The following DOCK3 variants were observed in gnomAD, a reference collection of about 807,000 sequenced individuals.
The protein encoded by DOCK3 is dedicator of cytokinesis 3.
A neutral mutation model predicts 265.6 loss-of-function variants in DOCK3; 60 were observed. That is an observed-to-expected ratio of 0.23 (90% CI 0.18 to 0.28). The LOEUF is 0.28. Ranked by LOEUF, DOCK3 falls within the 10% of genes least tolerant of loss-of-function variation. DOCK3 has a pLI of 1.00. For missense variants in DOCK3, 1,981 were observed against 2,594.3 expected, an observed-to-expected ratio of 0.76 and a Z score of 5.14; for synonymous variants, 881 against 938.0, an observed-to-expected ratio of 0.94 and a Z score of 1.11.
intron 3 of DOCK3, among the ~76,000 whole-genome samples, chr3:50,884,123 C>A (rs890893043): frequency 6.7e-6 from 1 of 148,686 alleles, no homozygotes; most frequent in African/African-American, 2.5e-5. Context: ...GATATGGAGT[C>A]TCGCTCTTTC....
At chr3:51,025,744 T>G (rs1223860933) in intron 5 of DOCK3, among the ~76,000 whole-genome samples, 2 of 152,230 alleles carry the variant, frequency 1.3e-5, no homozygotes, top group Non-Finnish European at 2.9e-5. Flanking sequence ...CAGGAATCAC[T>G]TCCCTTGGTT....
chr3:51,189,541 A>G (rs1294950778), intron 12 of DOCK3, among the ~76,000 whole-genome samples: 5 of 152,178 alleles, frequency 3.3e-5, no homozygotes, highest in African/African-American at 1.2e-4. Flanking sequence ...GAGTTACTTC[A>G]CTTACAATAA....
intron 27 of DOCK3, among the ~76,000 whole-genome samples, chr3:51,286,624 T>C (rs2081420600): frequency 1.3e-5 from 2 of 152,026 alleles, no homozygotes; most frequent in Admixed American, 6.6e-5. Flanking sequence ...AATAGACACA[T>C]AGACCAAAGG....
chr3:50,820,906 G>C (rs1254453357), intron 2 of DOCK3, among the ~76,000 whole-genome samples: 1 of 147,694 alleles, frequency 6.8e-6, no homozygotes, highest in East Asian at 2.0e-4. Flanking sequence ...TTTTGGTGAT[G>C]ATGAGCATTT....
At chr3:50,804,719 G>GGAGACCGTGGAGAGAGAGGGAGAGA in intron 2 of DOCK3, among the ~76,000 whole-genome samples, 2 of 151,884 alleles carry the variant, frequency 1.3e-5, no homozygotes, top group Non-Finnish European at 2.9e-5. Flanking sequence ...GGCATCAGAG[G>GGAGACCGTGGAGAGAGAGGGAGAGA]GAGACCGTGG....
intron 32 of DOCK3, among the ~76,000 whole-genome samples, chr3:51,318,606 C>T (rs1245820273): frequency 6.6e-6 from 1 of 151,898 alleles, no homozygotes; most frequent in Non-Finnish European, 1.5e-5. Context: ...ATTTTAGACT[C>T]CCTTTATTGT....
chr3:50,846,617 T>A (rs2046095346), intron 3 of DOCK3, among the ~76,000 whole-genome samples: 1 of 152,204 alleles, frequency 6.6e-6, no homozygotes, highest in African/African-American at 2.4e-5. Flanking sequence ...AGAGTTTGGC[T>A]GTGAATCTGT....
intron 12 of DOCK3, among the ~76,000 whole-genome samples, chr3:51,177,070 A>G (rs779333049): frequency 6.6e-6 from 1 of 152,188 alleles, no homozygotes; most frequent in Non-Finnish European, 1.5e-5. Context: ...TTGAAACCTC[A>G]TACTAACCCT....
intron 9 of DOCK3, among the ~76,000 whole-genome samples, chr3:51,109,976 A>G (rs1263097297): frequency 6.6e-6 from 1 of 152,024 alleles, no homozygotes; most frequent in African/African-American, 2.4e-5. Context: ...TGACAAAGGG[A>G]ATATTACCAC....
chr3:51,074,597 G>A (rs1287769342), intron 6 of DOCK3, among the ~76,000 whole-genome samples: 2 of 152,082 alleles, frequency 1.3e-5, no homozygotes, highest in Non-Finnish European at 2.9e-5. Flanking sequence ...TTGAAAATGA[G>A]ATGAAACTCA....
At chr3:50,764,427 G>A (rs972967634) in intron 1 of DOCK3, among the ~76,000 whole-genome samples, 1 of 152,074 alleles carries the variant, frequency 6.6e-6, no homozygotes, top group Non-Finnish European at 1.5e-5. Context: ...TCTAGAGATG[G>A]TTTAAAGTAT....
intron 5 of DOCK3, among the ~76,000 whole-genome samples, chr3:50,962,568 T>C (rs974862749): frequency 1.3e-4 from 20 of 152,346 alleles, no homozygotes; most frequent in Middle Eastern, 6.8e-3. Context: ...ACACCACTTT[T>C]CTTTCTTAGA....
intron 9 of DOCK3, among the ~76,000 whole-genome samples, chr3:51,111,266 A>G (rs2083503344): frequency 6.6e-6 from 1 of 152,070 alleles, no homozygotes; most frequent in South Asian, 2.1e-4. Flanking sequence ...CCTAAGCAAA[A>G]TGGACAAAGC....
chr3:51,249,599 T>G (rs1475158565), intron 22 of DOCK3, among the ~76,000 whole-genome samples: 6 of 77,876 alleles, frequency 7.7e-5, no homozygotes, highest in Admixed American at 1.2e-4. Flanking sequence ...GGGAGGGAGG[T>G]GGGGGGGTCA....
chr3:51,381,546 G>T lies in DOCK3; in HGVS notation c.6080G>T (p.Arg2027Leu). ...GCCCGCATGGCCTGGGAGCACGGCC[G>T]AGGGGAGCAGTGAGGGGCAACGAGG... is the stretch of plus-strand genomic sequence containing the variant. ...EQARMAWEHGRGEQ is the reference protein window; with the variant it reads ...EQARMAWEHGLGEQ Residue 2027 changes from arginine to leucine, a missense_variant, in exon 53 of 53, where the codon CGA becomes CTA. Arg to Leu is a moderately radical substitution (Grantham distance 102, BLOSUM62 -2). Around this residue, in one of 4 missense-constraint regions of DOCK3, gnomAD observed 149 missense variants for 144.7 expected, o/e 1.03. Transcript: ENST00000266037. The surrounding 1 kb of genome is among the most constrained non-coding windows in gnomAD (Gnocchi z 5.6). 6.5e-7 allele frequency: 1 copy of T among 1,535,082 alleles called. No homozygotes were observed.
intron 13 of DOCK3, among the ~76,000 whole-genome samples, chr3:51,213,771 A>G (rs1197837115): frequency 1.3e-5 from 2 of 152,150 alleles, no homozygotes; most frequent in Non-Finnish European, 2.9e-5. Flanking sequence ...AGATTTCTCT[A>G]GGTTCCTAAA....
intron 9 of DOCK3, among the ~76,000 whole-genome samples, chr3:51,125,252 T>C (rs2084217401): frequency 6.6e-6 from 1 of 152,234 alleles, no homozygotes; most frequent in Non-Finnish European, 1.5e-5. Context: ...TACTAAAAAT[T>C]TGAAAGCATT....
intron 24 of DOCK3, among the ~76,000 whole-genome samples, chr3:51,272,568 T>A (rs1289324029): frequency 2.0e-5 from 3 of 151,594 alleles, no homozygotes; most frequent in Non-Finnish European, 2.9e-5. Context: ...ATTACAGGTG[T>A]GAGACACCGC....
Position 51,371,171 on chromosome 3 carries a change from GT to G in DOCK3, c.5294-3297del. Among the ~76,000 whole-genome samples the G allele has an allele frequency of 1.3e-5, 2 of 152,370 alleles. 1 individual carries two copies. Among genetic ancestry groups the G allele is most frequent in the Non-Finnish European group, 2.9e-5 (2 of 68,042 alleles). On this transcript the variant is annotated intron_variant, in intron 49 of 52. Coordinates refer to ENST00000266037, the MANE Select transcript of DOCK3 (RefSeq NM_004947.5). ...CACCTCATGTTGTAAGGAATGGTGTGTGTGTTTTGGGACAGAAGGTGTTGAT... is the reference window on the plus strand; with the variant it reads ...CACCTCATGTTGTAAGGAATGGTGTGGTGTTTTGGGACAGAAGGTGTTGAT...
Sources: allele counts gnomAD v4.1 joint callset (sites outside exome capture counted in the v4.1 genomes callset), GRCh38; gene constraint gnomAD v4.1.1; regional missense constraint gnomAD v4.1.1; non-coding constraint Gnocchi (gnomAD v3.1); transcripts MANE v1.5; gene names NCBI Gene and HGNC (gene_info 2026-07-23, HGNC 2026-07-21).